The following TMEM175 variants were observed in gnomAD, a reference collection of about 807,000 sequenced individuals.
TMEM175 encodes transmembrane protein 175.
In TMEM175, 36 loss-of-function variants were observed where a neutral mutation model predicts 36.5. The observed-to-expected ratio is 0.99, with a 90% CI of 0.76 to 1.30. The LOEUF is 1.30. Among genes scored for constraint, TMEM175 ranks in the 50% most tolerant of loss-of-function variants. TMEM175 has a pLI of 0.00. For synonymous variants in TMEM175, 339 were observed against 313.4 expected, an observed-to-expected ratio of 1.08 and a Z score of -0.86; for missense variants, 705 against 692.8, an observed-to-expected ratio of 1.02 and a Z score of -0.20.
rs1310715496 is a variant in TMEM175, at chr4:953,446, G to A, written c.627+92G>A. 23 of 1,434,030 alleles carry A rather than the reference G, an allele frequency of 1.6e-5. No homozygotes were observed. The East Asian group carries it at 4.0e-4, about 25-fold the overall frequency. 88.8% of individuals were successfully genotyped at this position (1,434,030 alleles called of 1,614,324 possible). On this transcript the variant is annotated intron_variant, in intron 8 of 10. Coordinates refer to ENST00000264771, the MANE Select transcript of TMEM175 (RefSeq NM_032326.4). The stretch of plus-strand genomic sequence containing the variant: ...CTGAGCAACAAACACGGGGGTGGGG[G>A]CAGAGCGCAGACAGGCAGGGGTTCC...
At chr4:952,274 T>G in intron 6 of TMEM175, 93 bp from the exon 7 acceptor site, 21 of 1,096,946 alleles carry the variant, frequency 1.9e-5, no homozygotes, top group Non-Finnish European at 2.5e-5. Flanking sequence ...CAGCGTCCCG[T>G]GGAGTGGGGA....
chr4:937,537 T>A (rs1726931804), intron 1 of TMEM175, among the ~76,000 whole-genome samples: 1 of 152,156 alleles, frequency 6.6e-6, no homozygotes, highest in Non-Finnish European at 1.5e-5. Flanking sequence ...CACTCCAACC[T>A]GGACAACAAG....
chr4:950,863 CGGTGCAGTAGGTGGAGGTGTGGAT>C (rs1728796496), intron 4 of TMEM175, among the ~76,000 whole-genome samples: 1 of 121,888 alleles, frequency 8.2e-6, no homozygotes. Flanking sequence ...GAGGTGTGGA[CGGTGCAGTAGGTGGAGGTGTGGAT>C]GGTGCAATAG....
chr4:951,242 T>C lies in TMEM175; in HGVS notation c.326T>C (p.Leu109Pro). ...GTTGTTGGGAAAACAGACGACACAC[T>C]TGCCCTGCTCAACCTGGTGAGTATT... ...FQVVGKTDDT[L>P]ALLNLACMMT... The change falls in exon 5 of 11, where the codon CTT (leucine) becomes CCT (proline). Residue 109 changes from leucine to proline, a missense_variant. Coordinates refer to ENST00000264771, the MANE Select transcript of TMEM175 (RefSeq NM_032326.4). The C allele has an allele frequency of 6.2e-7, 1 of 1,614,140 alleles. No individual in the cohort carries two copies. Among genetic ancestry groups the C allele is most frequent in the Middle Eastern group, 1.6e-4 (1 of 6,062 alleles).
chr4:951,613 G>A, intron 5 of TMEM175, 69 bp from the exon 6 acceptor site: 2 of 1,605,594 alleles, frequency 1.2e-6, no homozygotes, highest in Admixed American at 1.7e-5. Flanking sequence ...TTCCCGGAGT[G>A]GGCTCTGTCC....
rs778803064 is a variant in TMEM175 at position 958,157 on chromosome 4, C to T, written c.1176C>T (p.Ala392=). 37 of 1,603,468 alleles carry T rather than the reference C, an allele frequency of 2.3e-5. No individual in the cohort carries two copies. Among genetic ancestry groups the T allele is most frequent in the Non-Finnish European group, 2.6e-5 (31 of 1,179,492 alleles). Residue 392 remains alanine (A), a synonymous_variant, in exon 11 of 11, where the codon GCC becomes GCT. Transcript: ENST00000264771. ...TCCTGGCCAGCATCTTCCAGCTGGC[C>T]ATGTGGACCACGGCGCTGCTGCACC... The part of the protein sequence containing the change: ...IIFLASIFQL[A]MWTTALLHQA...
rs895683309 is a variant in TMEM175, at chr4:947,671, C to T, written c.-31-38C>T. 9.2e-6 allele frequency: 14 copies of T among 1,519,020 alleles called. No individual in the cohort carries two copies. The African/African-American group carries it at 1.1e-4, about 12-fold the overall frequency. 94.1% of individuals were successfully genotyped at this position (1,519,020 alleles called of 1,614,324 possible). A position where few individuals can be genotyped will look rare whatever the true frequency, so the allele number is the denominator to read the frequency against. On this transcript the variant is annotated intron_variant, in intron 1 of 10. Transcript: ENST00000264771. ...AGGCTGCATGGCCGACCTCCAGGAG[C>T]GCCCCACAGGCACACTCAGACCTGC... is the stretch of plus-strand genomic sequence containing the variant.
intron 1 of TMEM175, among the ~76,000 whole-genome samples, chr4:933,854 T>C (rs1456959958): frequency 6.6e-6 from 1 of 152,236 alleles, no homozygotes; most frequent in East Asian, 1.9e-4. Flanking sequence ...GAATGAAGTA[T>C]TGCATGAAGC....
In TMEM175 at chr4:958,600, G is replaced by C; in HGVS notation, c.*104G>C. ...TCACGGGCAGGCCGCAGTGGTTCTT[G>C]CGTGGCCTGGTTTTATTTTCATTGT... is the stretch of plus-strand genomic sequence containing the variant. On this transcript the variant is annotated 3_prime_UTR_variant, in exon 11 of 11. Coordinates refer to ENST00000264771, the MANE Select transcript of TMEM175 (RefSeq NM_032326.4). 2.2e-6 allele frequency: 2 copies of C among 907,806 alleles called. No individual in the cohort carries two copies. Among genetic ancestry groups the C allele is most frequent in the African/African-American group, 1.7e-5 (1 of 59,230 alleles). 56.2% of individuals were successfully genotyped at this position (907,806 alleles called of 1,614,324 possible).
intron 10 of TMEM175, among the ~76,000 whole-genome samples, chr4:957,057 G>A (rs1007671390): frequency 1.2e-4 from 18 of 152,316 alleles, no homozygotes; most frequent in Admixed American, 4.6e-4. Context: ...AGGCAGCAGC[G>A]TGGGGCCGGG....
chr4:942,030 A>T (rs1261285094), intron 1 of TMEM175, among the ~76,000 whole-genome samples: 5 of 151,982 alleles, frequency 3.3e-5, no homozygotes, highest in African/African-American at 1.2e-4. Context: ...TTGTATGTGT[A>T]TTAATTAGGT....
At chr4:953,450 A>G in intron 8 of TMEM175, 96 bp downstream of exon 8, 1 of 1,415,424 alleles carries the variant, frequency 7.1e-7, no homozygotes, top group Non-Finnish European at 9.4e-7. Flanking sequence ...GTGGGGGCAG[A>G]GCGCAGACAG....
At chr4:937,883 GCA>G (rs1394092122) in intron 1 of TMEM175, among the ~76,000 whole-genome samples, 1 of 152,096 alleles carries the variant, frequency 6.6e-6, no homozygotes, top group Non-Finnish European at 1.5e-5. Context: ...AGTTGGCTTA[GCA>G]TTTGAAAGTT....
At position 955,754 on chromosome 4, in the gene TMEM175, G is replaced by T; in HGVS notation, c.707-1G>T. On this transcript the variant is annotated splice_acceptor_variant, in intron 9 of 10. Transcript: ENST00000264771. LOFTEE classifies it high-confidence loss of function. ...GCTCCACCCTCCTGGCGTGTCCCCA[G>T]GCCACAGGGAGCCCTCGGCTCACCC... 6.2e-7 allele frequency: 1 copy of T among 1,613,092 alleles called. No homozygotes were observed.
intron 1 of TMEM175, among the ~76,000 whole-genome samples, chr4:937,597 T>A (rs4690329): frequency 0.72 from 108,922 of 152,164 alleles, 39,178 homozygotes; most frequent in South Asian, 0.85. Context: ...AGATAGCTTC[T>A]CTGGGAATTC....
chr4:952,092 G>A (rs539252662), intron 6 of TMEM175: 21 of 589,492 alleles, frequency 3.6e-5, no homozygotes, highest in Admixed American at 2.1e-4. Context: ...CTGAGTGTGC[G>A]GGGCTGTGTG....
intron 1 of TMEM175, 44 bp from the exon 2 acceptor site, chr4:947,665 C>T: frequency 6.6e-7 from 1 of 1,515,718 alleles, no homozygotes. Flanking sequence ...GGCCGACCTC[C>T]AGGAGCGCCC....
chr4:947,941 GGCACTGCCCA>G lies in TMEM175; in HGVS notation c.153+52_153+61del, dbSNP rs762533541. On this transcript the variant is annotated intron_variant, in intron 2 of 10. Transcript: ENST00000264771. ...GCCTGCCCCACCCCGAGCCTCTCGAGGCACTGCCCAGCCCACCTCAGACCTGTCTAGGTCT... is the reference window on the plus strand; with the variant it reads ...GCCTGCCCCACCCCGAGCCTCTCGAGGCCCACCTCAGACCTGTCTAGGTCT... 11 of 1,613,526 alleles carry G rather than the reference GGCACTGCCCA, an allele frequency of 6.8e-6. No homozygotes were observed. In the East Asian group the frequency reaches 2.2e-4, roughly 33 times the overall value.
At chr4:951,885 T>G in intron 6 of TMEM175, 168 bp downstream of exon 6, 1 of 728,182 alleles carries the variant, frequency 1.4e-6, no homozygotes, top group Non-Finnish European at 2.3e-6. Context: ...GGGGCTTCTT[T>G]CAGGCTGGCG....
Sources: gnomAD v4.1 joint callset for allele counts (sites outside exome capture counted in the v4.1 genomes callset) on GRCh38, gnomAD v4.1.1 for gene constraint, MANE v1.5 for transcripts, NCBI Gene and HGNC (gene_info 2026-07-23, HGNC 2026-07-21) for gene names.